Variants in PREX1 observed in about 807,000 individuals in gnomAD.
PREX1 encodes the protein phosphatidylinositol-3,4,5-trisphosphate dependent Rac exchange factor 1.
In PREX1, 41 loss-of-function variants were observed where a neutral mutation model predicts 198.3. That is an observed-to-expected ratio of 0.21 (90% CI 0.16 to 0.27). The LOEUF is 0.27. Ranked by LOEUF, PREX1 falls within the 10% of genes least tolerant of loss-of-function variation. The pLI is 1.00. For synonymous variants in PREX1, 843 were observed against 887.2 expected (o/e 0.95, Z 0.89); for missense variants, 1,620 against 2,200.7 (o/e 0.74, Z 5.28).
chr20:48,804,556 G>A (rs904990713), intron 1 of PREX1, among the ~76,000 whole-genome samples: 1 of 152,244 alleles, frequency 6.6e-6, no homozygotes, highest in African/African-American at 2.4e-5. Context: ...CAGACTACAG[G>A]GCGTTGGGAT....
rs1419182272 is a variant in PREX1 at position 48,624,653 on chromosome 20, C to A, written c.*1232G>T. 6.6e-6 allele frequency: 1 copy of A among 152,332 alleles called. No homozygotes were observed. The highest frequency in any genetic ancestry group is 1.5e-5 in the Non-Finnish European group (1 of 68,096). 9.4% of individuals were successfully genotyped at this position (152,332 alleles called of 1,614,324 possible). The stretch of plus-strand genomic sequence containing the variant: ...GGCATACCGAAGCTGGGGGGACAAA[C>A]TGCCGAGGGGGCTTGTGTGGGTCCC... On this transcript the variant is annotated 3_prime_UTR_variant, in exon 40 of 40. Coordinates refer to ENST00000371941, the MANE Select transcript of PREX1 (RefSeq NM_020820.4).
chr20:48,821,970 G>T (rs1481551097), intron 1 of PREX1: 2 of 152,200 alleles, frequency 1.3e-5, no homozygotes, highest in Non-Finnish European at 2.9e-5. Context: ...ACCTGTTGAT[G>T]ACTTCATTCT....
chr20:48,749,765 A>C (rs189912814), intron 1 of PREX1, among the ~76,000 whole-genome samples: 1 of 152,230 alleles, frequency 6.6e-6, no homozygotes, highest in African/African-American at 2.4e-5. Flanking sequence ...TTGGGGCTTT[A>C]ACCCATTTAT....
At chr20:48,627,519 A>G in intron 39 of PREX1, 29 bp downstream of exon 39, 1 of 1,613,248 alleles carries the variant, frequency 6.2e-7, no homozygotes, top group Non-Finnish European at 8.5e-7. Flanking sequence ...GGGAGTGGAC[A>G]GGAAGGGGCG....
At chr20:48,882,525 A>AAG in the PREX1 span, among the ~76,000 whole-genome samples, 6,772 of 97,194 alleles carry the variant, frequency 0.07, 1,193 homozygotes, top group Middle Eastern at 0.1. Flanking sequence ...AAAAAAAAAA[A>AAG]AGAGAGAATC....
chr20:48,633,401 G>T (rs4128336), intron 33 of PREX1, among the ~76,000 whole-genome samples: 31,948 of 152,242 alleles, frequency 0.21, 3,341 homozygotes, highest in South Asian at 0.25. Flanking sequence ...ACCCGTAGTA[G>T]TATAATTTCA....
chr20:48,814,667 C>T (rs8118737), intron 1 of PREX1, among the ~76,000 whole-genome samples: 151 of 152,278 alleles, frequency 9.9e-4, no homozygotes, highest in African/African-American at 3.6e-3. Context: ...TCATAAGGAG[C>T]TGGGATTCGA....
the PREX1 span, among the ~76,000 whole-genome samples, chr20:48,834,056 T>G: frequency 6.6e-6 from 1 of 151,314 alleles, no homozygotes; most frequent in Admixed American, 6.6e-5. Context: ...GCCACTGCAT[T>G]CCAGCCTGGG....
rs758173472 is a variant in PREX1 at position 48,745,025 on chromosome 20, G to A, written c.414C>T (p.Phe138=). ...QHELGNVFLK[F]KDKFCVYEEY... is the part of the protein sequence containing the mutation. ...CCAGGGGCAGTGGCATGGTACTCAC[G>A]AATTTTAAGAAAACATTCCCAAGTT... The change falls in exon 3 of 40, where the codon TTC becomes TTT. Residue 138 remains phenylalanine, a splice_region_variant and synonymous_variant. Coordinates refer to ENST00000371941, the MANE Select transcript of PREX1 (RefSeq NM_020820.4). 1.9e-6 allele frequency: 3 copies of A among 1,613,772 alleles called. No homozygotes were observed. Among genetic ancestry groups the A allele is most frequent in the Non-Finnish European group, 1.7e-6 (2 of 1,179,808 alleles).
At chr20:48,689,542 A>C (rs1176769918) in intron 9 of PREX1, among the ~76,000 whole-genome samples, 2 of 152,056 alleles carry the variant, frequency 1.3e-5, no homozygotes, top group East Asian at 3.9e-4. Flanking sequence ...GACAACACCC[A>C]ATTCTAACAA....
At chr20:48,879,224 C>T in the PREX1 span, among the ~76,000 whole-genome samples, 69 of 152,288 alleles carry the variant, frequency 4.5e-4, no homozygotes, top group African/African-American at 1.2e-3. Context: ...TAGTACAATA[C>T]GTGCTCCAAA....
At chr20:48,658,929 T>G (rs1218433204) in intron 16 of PREX1, among the ~76,000 whole-genome samples, 1 of 151,670 alleles carries the variant, frequency 6.6e-6, no homozygotes, top group East Asian at 2.0e-4. Flanking sequence ...CACTGGAGGA[T>G]AAGAAAAGAG....
intron 39 of PREX1, among the ~76,000 whole-genome samples, chr20:48,627,038 T>G (rs1321051253): frequency 2.6e-5 from 4 of 152,164 alleles, no homozygotes; most frequent in Admixed American, 1.3e-4. Flanking sequence ...ACAGAGAGCA[T>G]TCCTGCAAAT....
the PREX1 span, among the ~76,000 whole-genome samples, chr20:48,882,361 G>T: frequency 4.0e-5 from 6 of 151,704 alleles, no homozygotes; most frequent in East Asian, 1.2e-3. Context: ...AATTAGCCGG[G>T]TGTGGTGGCG....
At chr20:48,746,942 AC>A (rs933059835) in intron 2 of PREX1, among the ~76,000 whole-genome samples, 5 of 100 alleles carry the variant, frequency 0.05, no homozygotes, top group African/African-American at 0.19. Flanking sequence ...CAGTGCATGA[AC>A]ACACACACAC....
rs140012074 is a variant in PREX1, at chr20:48,653,550, C to T, written c.2210-53G>A. On this transcript the variant is annotated intron_variant, in intron 19 of 39. Transcript: ENST00000371941. ...GGATGCCAGGCAAGTACAAGCAGCC[C>T]GCTGAACACTGTCCCCCACCACCCA... 633 of 1,574,156 alleles carry T rather than the reference C, an allele frequency of 4.0e-4. 3 individuals carry two copies. Among genetic ancestry groups the T allele is most frequent in the East Asian group, 2.5e-3 (110 of 44,088 alleles).
intron 33 of PREX1, among the ~76,000 whole-genome samples, chr20:48,633,202 C>T (rs1009961363): frequency 2.0e-5 from 3 of 152,226 alleles, no homozygotes; most frequent in Non-Finnish European, 2.9e-5. Context: ...GCAGCTGCTG[C>T]TGCCTATCAA....
chr20:48,741,629 G>A (rs1307102044), intron 3 of PREX1, among the ~76,000 whole-genome samples: 1 of 152,180 alleles, frequency 6.6e-6, no homozygotes, highest in Non-Finnish European at 1.5e-5. Context: ...TAAGCAAAAA[G>A]GGGCAAAAGA....
At chr20:48,877,129 C>T in the PREX1 span, among the ~76,000 whole-genome samples, 12 of 152,070 alleles carry the variant, frequency 7.9e-5, no homozygotes, top group Middle Eastern at 3.4e-3. Context: ...ATTAGCCAGG[C>T]GTGGTGATTC....
Sources: allele counts gnomAD v4.1 joint callset (sites outside exome capture counted in the v4.1 genomes callset), GRCh38; gene constraint gnomAD v4.1.1; transcripts MANE v1.5; gene names NCBI Gene and HGNC (gene_info 2026-07-23, HGNC 2026-07-21).